Variants in ASPRV1 observed in about 807,000 individuals in gnomAD.
The protein encoded by ASPRV1 is retroviral-like aspartic protease 1.
Under a neutral mutation model 11.0 loss-of-function variants are expected in ASPRV1, and 7 were observed. The ratio of observed to expected loss-of-function variants is 0.64; its 90% CI spans 0.36 to 1.20. The LOEUF (loss-of-function observed/expected upper bound fraction) is 1.20. Among genes scored for constraint, ASPRV1 ranks in the 50% most tolerant of loss-of-function variants. The probability of loss-of-function intolerance (pLI) is 0.02; values close to 1 mark genes in which losing one functional copy is unlikely to be tolerated. For synonymous variants in ASPRV1, 136 were observed against 138.4 expected, an observed-to-expected ratio of 0.98 and a Z score of 0.12; for missense variants, 299 against 320.0, an observed-to-expected ratio of 0.93 and a Z score of 0.50.
At position 69,960,583 on chromosome 2, in the gene ASPRV1, T is replaced by G; in HGVS notation, c.*74A>C. 100 of 1,457,600 alleles carry G rather than the reference T, an allele frequency of 6.9e-5. No homozygotes were observed. The highest frequency in any genetic ancestry group is 2.0e-4 in the Middle Eastern group (1 of 4,990). The allele number at this position is 1,457,600 out of a possible 1,614,324, so 90.3% of individuals were successfully genotyped here. Reference sequence around the variant, plus strand: ...GACTGGCCAAGCCCAGTGACCCCCATGAGGATATGCAACCCCCCCCACAGC... The same window carrying G: ...GACTGGCCAAGCCCAGTGACCCCCAGGAGGATATGCAACCCCCCCCACAGC... On this transcript the variant is annotated 3_prime_UTR_variant, in exon 1 of 1. Coordinates refer to ENST00000320256, the MANE Select transcript of ASPRV1 (RefSeq NM_152792.4).
chr2:70,083,195 C>G, the ASPRV1 span, among the ~76,000 whole-genome samples: 2 of 152,182 alleles, frequency 1.3e-5, no homozygotes, highest in Non-Finnish European at 2.9e-5. Flanking sequence ...CATCAAAGTC[C>G]ATATCAAAAG....
chr2:70,054,922 CATACATACATACATACATATATATACGT>C, the ASPRV1 span, among the ~76,000 whole-genome samples: 1 of 150,408 alleles, frequency 6.6e-6, no homozygotes, highest in Non-Finnish European at 1.5e-5. Flanking sequence ...AACTATCCAT[CATACATACATACATACATATATATACGT>C]ACAATGTTTA....
At chr2:70,019,647 G>C in the ASPRV1 span, among the ~76,000 whole-genome samples, 1 of 152,158 alleles carries the variant, frequency 6.6e-6, no homozygotes, top group African/African-American at 2.4e-5. Context: ...TATGTCAAGT[G>C]AAATAAGCCA....
the ASPRV1 span, among the ~76,000 whole-genome samples, chr2:70,026,127 A>G: frequency 6.6e-6 from 1 of 152,190 alleles, no homozygotes; most frequent in Non-Finnish European, 1.5e-5. Flanking sequence ...GTTCAAGACC[A>G]GCCTAACATG....
the ASPRV1 span, among the ~76,000 whole-genome samples, chr2:70,034,133 C>G: frequency 8.3e-6 from 1 of 121,184 alleles, no homozygotes; most frequent in African/African-American, 3.3e-5. Flanking sequence ...CCAGCCTGAG[C>G]GACAGCGAGA....
chr2:70,028,851 AG>A, the ASPRV1 span, among the ~76,000 whole-genome samples: 7 of 151,900 alleles, frequency 4.6e-5, no homozygotes, highest in Non-Finnish European at 1.0e-4. Context: ...CTGAGGCAGG[AG>A]AATCATTTGA....
downstream of ASPRV1, among the ~76,000 whole-genome samples, chr2:69,957,910 A>G (rs748729566): frequency 2.6e-5 from 4 of 152,136 alleles, no homozygotes; most frequent in Admixed American, 6.5e-5. Context: ...GACCTTAGGT[A>G]TAAGGACTGC....
chr2:70,034,154 T>TAAAAA, the ASPRV1 span, among the ~76,000 whole-genome samples: 5 of 69,224 alleles, frequency 7.2e-5, no homozygotes, highest in East Asian at 4.5e-4. Context: ...CTCCATCTCA[T>TAAAAA]AAAAAAAAAA....
At chr2:70,052,462 C>A in the ASPRV1 span, among the ~76,000 whole-genome samples, 6 of 152,018 alleles carry the variant, frequency 3.9e-5, no homozygotes, top group Non-Finnish European at 8.8e-5. Context: ...GGAGAGTAGA[C>A]CAACATCTAA....
chr2:70,036,827 C>G, the ASPRV1 span, among the ~76,000 whole-genome samples: 1 of 152,120 alleles, frequency 6.6e-6, no homozygotes, highest in Non-Finnish European at 1.5e-5. Flanking sequence ...GCCACTGCGC[C>G]TGGCCTAAAG....
chr2:69,963,248 GAGCCC>G (rs778586096), upstream of ASPRV1: 5 of 455,950 alleles, frequency 1.1e-5, no homozygotes, highest in African/African-American at 1.0e-4. Context: ...GGCATTCCAG[GAGCCC>G]AGAGGAGGGG....
At chr2:69,993,225 C>G in the ASPRV1 span, among the ~76,000 whole-genome samples, 6 of 152,206 alleles carry the variant, frequency 3.9e-5, no homozygotes, top group Admixed American at 3.9e-4. Context: ...CTGCCTACCC[C>G]TCCGCCACTG....
chr2:70,065,838 A>G, the ASPRV1 span, among the ~76,000 whole-genome samples: 6 of 147,962 alleles, frequency 4.1e-5, no homozygotes, highest in East Asian at 8.0e-4. Context: ...AAAAAAAAAA[A>G]AAAAAAGAAA....
the ASPRV1 span, chr2:70,081,033 G>C: frequency 6.6e-6 from 1 of 152,236 alleles, no homozygotes; most frequent in African/African-American, 2.4e-5. Flanking sequence ...TGCGCCCAAA[G>C]TGCAGGGATT....
chr2:69,953,558 C>G, the ASPRV1 span, among the ~76,000 whole-genome samples: 1 of 152,088 alleles, frequency 6.6e-6, no homozygotes, highest in Non-Finnish European at 1.5e-5. Flanking sequence ...GCAGGGTCCT[C>G]TTTCTCCAAT....
chr2:70,082,267 G>A, the ASPRV1 span, among the ~76,000 whole-genome samples: 7 of 151,870 alleles, frequency 4.6e-5, no homozygotes, highest in African/African-American at 7.3e-5. Context: ...TGGCCAGTAC[G>A]GCAACTTTAA....
At chr2:70,026,741 G>C in the ASPRV1 span, among the ~76,000 whole-genome samples, 7 of 152,068 alleles carry the variant, frequency 4.6e-5, no homozygotes, top group African/African-American at 1.7e-4. Context: ...CTCATAGATT[G>C]GAAAAATTTA....
downstream of ASPRV1, among the ~76,000 whole-genome samples, chr2:69,957,118 AGAT>A (rs1381202661): frequency 6.6e-6 from 1 of 152,248 alleles, no homozygotes; most frequent in Non-Finnish European, 1.5e-5. Flanking sequence ...TCTGAAGATC[AGAT>A]GATAGTGGTA....
chr2:70,079,633 G>C, the ASPRV1 span, among the ~76,000 whole-genome samples: 1 of 152,194 alleles, frequency 6.6e-6, no homozygotes, highest in Non-Finnish European at 1.5e-5. Context: ...ACAGCATCAA[G>C]GGAGTGACAT....
Sources: allele counts gnomAD v4.1 joint callset (sites outside exome capture counted in the v4.1 genomes callset), GRCh38; gene constraint gnomAD v4.1.1; transcripts MANE v1.5; gene names NCBI Gene and HGNC (gene_info 2026-07-23, HGNC 2026-07-21).